LRRC18: variants seen among roughly 807,000 people sequenced by gnomAD.
LRRC18 encodes the protein leucine-rich repeat-containing protein 18.
LRRC18 carries 12 observed loss-of-function variants against 11.2 expected under a neutral mutation model. That is an observed-to-expected ratio of 1.07 (90% confidence interval 0.69 to 1.74). The LOEUF (loss-of-function observed/expected upper bound fraction) is 1.74, where lower values mean the gene tolerates loss of function less well. Ranked by LOEUF, LRRC18 falls within the 40% of genes most tolerant of loss-of-function variation. The pLI is 0.00. For missense variants in LRRC18, 374 were observed against 330.5 expected (o/e 1.13, Z -1.02); for synonymous variants, 155 against 130.6 (o/e 1.19, Z -1.27).
At chr10:48,922,589 T>A in the LRRC18 span, among the ~76,000 whole-genome samples, 1 of 152,180 alleles carries the variant, frequency 6.6e-6, no homozygotes, top group South Asian at 2.1e-4. Flanking sequence ...AAATTAAACT[T>A]TATCATAGGC....
At chr10:48,915,575 T>C (rs774120033), upstream of LRRC18, among the ~76,000 whole-genome samples, 1 of 152,190 alleles carries the variant, frequency 6.6e-6, no homozygotes, top group Non-Finnish European at 1.5e-5. Context: ...CCCAAGTTGA[T>C]ATAGCACATG....
upstream of LRRC18, among the ~76,000 whole-genome samples, chr10:48,915,768 T>C (rs1019694126): frequency 6.6e-6 from 1 of 152,188 alleles, no homozygotes; most frequent in Non-Finnish European, 1.5e-5. Flanking sequence ...CTGGGATAGA[T>C]GGTGGTCTCC....
At chr10:48,934,588 C>T in the LRRC18 span, among the ~76,000 whole-genome samples, 1 of 152,234 alleles carries the variant, frequency 6.6e-6, no homozygotes, top group Admixed American at 6.5e-5. Context: ...AGGGCTTAAC[C>T]ACTTATTAGT....
upstream of LRRC18, among the ~76,000 whole-genome samples, chr10:48,915,273 A>G (rs1838408471): frequency 6.6e-6 from 1 of 152,226 alleles, no homozygotes; most frequent in Admixed American, 6.5e-5. Context: ...CTCAATAACA[A>G]GGTCCACAGC....
At chr10:48,910,302 A>G in intron 1 of LRRC18, 44 bp from the exon 4 acceptor site, 1 of 1,575,736 alleles carries the variant, frequency 6.3e-7, no homozygotes, top group Non-Finnish European at 8.7e-7. Context: ...GCTCCAGGCC[A>G]CAGAGGCAAA....
At chr10:48,938,621 A>G in the LRRC18 span, among the ~76,000 whole-genome samples, 45 of 152,300 alleles carry the variant, frequency 3.0e-4, no homozygotes, top group African/African-American at 1.0e-3. Flanking sequence ...AAGCAGGACT[A>G]TGGGGCAACT....
exon 1 of LRRC18, chr10:48,913,704 A>C: frequency 6.2e-7 from 1 of 1,612,088 alleles, no homozygotes; most frequent in Non-Finnish European, 8.5e-7. Flanking sequence ...GTTGTCATGG[A>C]GCCCTACCTC....
upstream of LRRC18, among the ~76,000 whole-genome samples, chr10:48,916,347 G>A (rs1209431708): frequency 2.6e-5 from 4 of 152,176 alleles, no homozygotes; most frequent in Non-Finnish European, 4.4e-5. Context: ...AGACAGTAAG[G>A]GAAATCTGTT....
exon 2 of LRRC18, chr10:48,910,252 G>A (rs1400738467): frequency 7.6e-6 from 12 of 1,586,380 alleles, no homozygotes; most frequent in Non-Finnish European, 9.5e-6. Context: ...AAGATGTCAA[G>A]CGTATTCTGG....
the LRRC18 span, among the ~76,000 whole-genome samples, chr10:48,926,253 T>C: frequency 0.11 from 16,200 of 152,260 alleles, 2,138 homozygotes; most frequent in African/African-American, 0.31. Context: ...AGCCCCTCCA[T>C]GGCCCCAGGC....
the LRRC18 span, among the ~76,000 whole-genome samples, chr10:48,920,698 A>C: frequency 3.3e-5 from 5 of 152,250 alleles, no homozygotes; most frequent in Non-Finnish European, 7.3e-5. Flanking sequence ...GCATACAGAC[A>C]GAAAAGAATG....
chr10:48,916,212 G>T (rs1032136809), upstream of LRRC18, among the ~76,000 whole-genome samples: 3 of 152,152 alleles, frequency 2.0e-5, no homozygotes, highest in Non-Finnish European at 2.9e-5. Flanking sequence ...GTTTCTCTTG[G>T]CTTGGACTCA....
At chr10:48,931,582 G>T in the LRRC18 span, among the ~76,000 whole-genome samples, 5,539 of 152,330 alleles carry the variant, frequency 0.036, 219 homozygotes, top group African/African-American at 0.09. Flanking sequence ...CAGAGGTGAA[G>T]AACTGTGGGG....
chr10:48,916,386 G>C (rs530865403), upstream of LRRC18, among the ~76,000 whole-genome samples: 1 of 152,304 alleles, frequency 6.6e-6, no homozygotes, highest in South Asian at 2.1e-4. Context: ...TTGTTTGTTT[G>C]TTTGCTTGCT....
chr10:48,937,025 C>G, the LRRC18 span, among the ~76,000 whole-genome samples: 1 of 151,624 alleles, frequency 6.6e-6, no homozygotes, highest in Non-Finnish European at 1.5e-5. Context: ...GTTCGAGTAG[C>G]TGGGATTACA....
chr10:48,937,852 A>G, the LRRC18 span, among the ~76,000 whole-genome samples: 1 of 152,166 alleles, frequency 6.6e-6, no homozygotes. Context: ...TGTGCTTCTT[A>G]GGAGAAATAA....
the LRRC18 span, among the ~76,000 whole-genome samples, chr10:48,927,104 A>G: frequency 1.2e-4 from 18 of 152,314 alleles, no homozygotes; most frequent in Middle Eastern, 6.8e-3. Context: ...CTGTATGCAG[A>G]CTGCCTGAAG....
At chr10:48,936,982 C>T in the LRRC18 span, among the ~76,000 whole-genome samples, 40 of 151,818 alleles carry the variant, frequency 2.6e-4, no homozygotes, top group South Asian at 8.3e-4. Context: ...TGCAGTGGCA[C>T]GACCTCGGCT....
At chr10:48,934,246 G>A in the LRRC18 span, among the ~76,000 whole-genome samples, 6 of 152,150 alleles carry the variant, frequency 3.9e-5, no homozygotes, top group Admixed American at 2.0e-4. Flanking sequence ...TTATGTGCCC[G>A]ACCCTTTGCA....
Sources: allele counts gnomAD v4.1 joint callset (sites outside exome capture counted in the v4.1 genomes callset), GRCh38; gene constraint gnomAD v4.1.1; transcripts MANE v1.5; gene names NCBI Gene and HGNC (gene_info 2026-07-23, HGNC 2026-07-21).